Variants in BMP7 observed in about 807,000 individuals in gnomAD.
BMP7 encodes bone morphogenetic protein 7, also known as osteogenic protein 1.
Under a neutral mutation model 41.2 loss-of-function variants are expected in BMP7, and 12 were observed. The ratio of observed to expected loss-of-function variants is 0.29; its 90% confidence interval spans 0.19 to 0.47. The LOEUF is 0.47. Ranked by LOEUF, BMP7 falls within the 20% of genes least tolerant of loss-of-function variation. The pLI is 0.99. For missense variants in BMP7, 467 were observed against 606.0 expected (o/e 0.77, Z 2.41); for synonymous variants, 248 against 250.0 (o/e 0.99, Z 0.07).
At chr20:57,200,589 T>C (rs918710831) in intron 3 of BMP7, among the ~76,000 whole-genome samples, 1 of 152,134 alleles carries the variant, frequency 6.6e-6, no homozygotes, top group Non-Finnish European at 1.5e-5. Context: ...TGGGGCCCAG[T>C]TGGAAGGTTT....
intron 3 of BMP7, among the ~76,000 whole-genome samples, chr20:57,186,223 G>A (rs1461968430): frequency 1.3e-5 from 2 of 152,216 alleles, no homozygotes; most frequent in African/African-American, 4.8e-5. Context: ...AGAGGTCAGG[G>A]GAATGCAACG....
At chr20:57,180,485 G>A (rs898282518) in intron 4 of BMP7, among the ~76,000 whole-genome samples, 28 of 152,250 alleles carry the variant, frequency 1.8e-4, no homozygotes, top group African/African-American at 2.9e-4. Context: ...TGCAGCCCTC[G>A]GGATGGGCTG....
At chr20:57,192,055 A>G (rs1479035570) in intron 3 of BMP7, among the ~76,000 whole-genome samples, 6 of 121,952 alleles carry the variant, frequency 4.9e-5, no homozygotes, top group Non-Finnish European at 9.4e-5. Context: ...TATATTATAT[A>G]ATATATATTT....
chr20:57,198,199 ATCCTCTCCTCTCACTC>A (rs1228107597), intron 3 of BMP7, among the ~76,000 whole-genome samples: 3 of 34,068 alleles, frequency 8.8e-5, no homozygotes, highest in Admixed American at 6.9e-4. Flanking sequence ...CCTCCTCTCT[ATCCTCTCCTCTCACTC>A]TCCTCTCCCC....
At chr20:57,222,016 C>A (rs1394268629) in intron 2 of BMP7, among the ~76,000 whole-genome samples, 1 of 152,136 alleles carries the variant, frequency 6.6e-6, no homozygotes, top group Non-Finnish European at 1.5e-5. Context: ...GTGGACCCAG[C>A]TAAATCGATG....
intron 1 of BMP7, among the ~76,000 whole-genome samples, chr20:57,232,059 C>G (rs2066031359): frequency 6.6e-6 from 1 of 152,220 alleles, no homozygotes; most frequent in Non-Finnish European, 1.5e-5. Flanking sequence ...TTTCAAAGGT[C>G]ACAAATCAGG....
rs1431533459 is a variant in BMP7, at chr20:57,254,963, C to A, written c.418+10742G>T. ...AGGTGCCCCCCACAGGCACTCAGGG[C>A]CCTATGCCCTGACAATTATTTTTAA... On this transcript the variant is annotated intron_variant, in intron 1 of 6. Transcript: ENST00000395863. Among the ~76,000 whole-genome samples the A allele has an allele frequency of 3.9e-5, 6 of 152,102 alleles. No homozygotes were observed. In the South Asian group the frequency reaches 1.0e-3, roughly 26 times the overall value.
At chr20:57,242,510 T>G (rs547483549) in intron 1 of BMP7, among the ~76,000 whole-genome samples, 1 of 152,200 alleles carries the variant, frequency 6.6e-6, no homozygotes, top group Non-Finnish European at 1.5e-5. Flanking sequence ...CCTATTAGAC[T>G]GTACCATGTA....
chr20:57,208,273 C>T (rs930485595), intron 2 of BMP7, among the ~76,000 whole-genome samples: 2 of 152,178 alleles, frequency 1.3e-5, no homozygotes, highest in African/African-American at 2.4e-5. Flanking sequence ...ATAGAGAAGG[C>T]TAATTTGAAC....
chr20:57,239,982 C>T (rs1196236929), intron 1 of BMP7, among the ~76,000 whole-genome samples: 1 of 152,228 alleles, frequency 6.6e-6, no homozygotes, highest in Non-Finnish European at 1.5e-5. Flanking sequence ...AGGTCTCTGA[C>T]ATGGCCTGGA....
intron 1 of BMP7, among the ~76,000 whole-genome samples, chr20:57,254,025 T>TTTC (rs1261280186): frequency 7.3e-6 from 1 of 137,484 alleles, no homozygotes; most frequent in East Asian, 2.0e-4. Context: ...TCCTTTTTTT[T>TTTC]TTTTTTTTTT....
rs1315788496 is a variant in BMP7 at position 57,266,139 on chromosome 20, G to A, written c.-17C>T. On this transcript the variant is annotated 5_prime_UTR_variant, in exon 1 of 7. Transcript: ENST00000395863. The stretch of plus-strand genomic sequence containing the variant: ...CACGTGCATCGCGCCGGCTCTACGC[G>A]CTACCCGGGCTCCGGGCTCCGGGCC... The A allele has an allele frequency of 6.6e-7, 1 of 1,517,132 alleles. No individual in the cohort carries two copies. Among genetic ancestry groups the A allele is most frequent in the Admixed American group, 2.0e-5 (1 of 49,380 alleles). 94.0% of individuals were successfully genotyped at this position (1,517,132 alleles called of 1,614,324 possible).
intron 1 of BMP7, among the ~76,000 whole-genome samples, chr20:57,239,408 G>T (rs1194756759): frequency 1.3e-5 from 2 of 152,204 alleles, no homozygotes; most frequent in African/African-American, 4.8e-5. Context: ...CACCCCTGTG[G>T]CTTTGCAGGG....
intron 3 of BMP7, among the ~76,000 whole-genome samples, chr20:57,188,464 G>A (rs1429784855): frequency 6.6e-6 from 1 of 151,806 alleles, no homozygotes; most frequent in African/African-American, 2.4e-5. Flanking sequence ...AGCAGAGAGT[G>A]GCTCTTAAGG....
chr20:57,265,934 G>C lies in BMP7; in HGVS notation c.189C>G (p.Gly63=). 1.3e-6 allele frequency: 2 copies of C among 1,558,238 alleles called. No individual in the cohort carries two copies. The highest frequency in any genetic ancestry group is 1.7e-6 in the Non-Finnish European group (2 of 1,150,516). The change falls in exon 1 of 7, where the codon GGC becomes GGG. Residue 63 remains glycine (G), a synonymous_variant. Coordinates refer to ENST00000395863, the MANE Select transcript of BMP7 (RefSeq NM_001719.3). ...GGTGCGGGCGCGGGCGGTGGGGCAA[G>C]CCCAAAATGGAGAGGATCTCGCGCT... is the stretch of plus-strand genomic sequence containing the variant. ...EMQREILSIL[G]LPHRPRPHLQ... is the part of the protein sequence containing the mutation.
intron 2 of BMP7, among the ~76,000 whole-genome samples, chr20:57,212,494 C>T (rs1318190383): frequency 6.6e-5 from 10 of 152,210 alleles, no homozygotes; most frequent in Admixed American, 5.2e-4. Flanking sequence ...GTCTGACCCT[C>T]GCCCTCGCCT....
At chr20:57,201,736 C>T (rs1984624640) in intron 3 of BMP7, among the ~76,000 whole-genome samples, 1 of 152,206 alleles carries the variant, frequency 6.6e-6, no homozygotes. Flanking sequence ...TAAGCAAAGT[C>T]AAGCTACAAG....
At chr20:57,212,339 A>G (rs934965800) in intron 2 of BMP7, among the ~76,000 whole-genome samples, 1 of 152,258 alleles carries the variant, frequency 6.6e-6, no homozygotes, top group Non-Finnish European at 1.5e-5. Flanking sequence ...GAGAGGGCAC[A>G]GGTGCACGAT....
rs561851570 is a variant in BMP7 at position 57,224,212 on chromosome 20, G to A, written c.611+4017C>T. Among the ~76,000 whole-genome samples the A allele has an allele frequency of 2.6e-5, 4 of 152,306 alleles. No homozygotes were observed. The South Asian group carries it at 6.2e-4, about 24-fold the overall frequency. The stretch of plus-strand genomic sequence containing the variant: ...CCTCTTCCTCAGAGTGACTCAGGCT[G>A]CAGCTGATCCAAATCTTGGCCCTCG... On this transcript the variant is annotated intron_variant, in intron 2 of 6. Coordinates refer to ENST00000395863, the MANE Select transcript of BMP7 (RefSeq NM_001719.3). This position sits in a 1 kb window ranked among gnomAD's most constrained non-coding sequence, Gnocchi z 4.8.
Sources: gnomAD v4.1 joint callset for allele counts (sites outside exome capture counted in the v4.1 genomes callset) on GRCh38, gnomAD v4.1.1 for gene constraint, Gnocchi (gnomAD v3.1) non-coding constraint, MANE v1.5 for transcripts, NCBI Gene and HGNC (gene_info 2026-07-23, HGNC 2026-07-21) for gene names.